SLC7A14: variants seen among roughly 807,000 people sequenced by gnomAD.
SLC7A14 encodes the protein solute carrier family 7 member 14, also known as gamma-aminobutyric acid transporter SLC7A14.
SLC7A14 carries 37 observed loss-of-function variants against 60.2 expected under a neutral mutation model. The ratio of observed to expected loss-of-function variants is 0.61; its 90% CI spans 0.47 to 0.81. SLC7A14 has a LOEUF of 0.81. Among genes scored for constraint, SLC7A14 ranks in the 30% least tolerant of loss-of-function variants. The probability of loss-of-function intolerance (pLI) is 0.00; values close to 1 mark genes in which losing one functional copy is unlikely to be tolerated. For synonymous variants in SLC7A14, 399 were observed against 395.8 expected, an observed-to-expected ratio of 1.01 and a Z score of -0.10; for missense variants, 886 against 982.7, an observed-to-expected ratio of 0.90 and a Z score of 1.32.
At chr3:170,510,369 G>A (rs1487172866) in intron 2 of SLC7A14, among the ~76,000 whole-genome samples, 1 of 130,390 alleles carries the variant, frequency 7.7e-6, no homozygotes, top group African/African-American at 2.8e-5. Flanking sequence ...CAGCCTCAGT[G>A]ACAGAGCAAG....
intron 4 of SLC7A14, among the ~76,000 whole-genome samples, chr3:170,489,116 A>G (rs919444447): frequency 6.6e-6 from 1 of 152,252 alleles, no homozygotes; most frequent in African/African-American, 2.4e-5. Flanking sequence ...ATGGAATCAC[A>G]TCAAGTTAAA....
chr3:170,583,718 C>T (rs1303815883), intron 1 of SLC7A14, among the ~76,000 whole-genome samples: 3 of 152,228 alleles, frequency 2.0e-5, no homozygotes, highest in Admixed American at 1.3e-4. Context: ...CTTCCTGAAG[C>T]CCTGCTACTC....
intron 7 of SLC7A14, among the ~76,000 whole-genome samples, chr3:170,478,001 G>T (rs998766176): frequency 2.6e-5 from 4 of 152,122 alleles, no homozygotes; most frequent in African/African-American, 9.7e-5. Context: ...ATCTGCATTG[G>T]CTAGCTACAT....
At chr3:170,500,031 A>G (rs1712552216) in intron 3 of SLC7A14, among the ~76,000 whole-genome samples, 1 of 152,172 alleles carries the variant, frequency 6.6e-6, no homozygotes, top group Admixed American at 6.5e-5. Flanking sequence ...ATATAGGAAT[A>G]TCGAAGTTAG....
intron 1 of SLC7A14, among the ~76,000 whole-genome samples, chr3:170,558,251 C>G (rs934128060): frequency 1.3e-5 from 2 of 152,110 alleles, no homozygotes; most frequent in African/African-American, 4.8e-5. Context: ...ACCTGTAATC[C>G]CAGCTGCTCA....
At chr3:170,512,516 T>TTC (rs1384214259) in intron 2 of SLC7A14, among the ~76,000 whole-genome samples, 2 of 152,146 alleles carry the variant, frequency 1.3e-5, no homozygotes, top group Non-Finnish European at 1.5e-5. Flanking sequence ...CAGTGCCTAC[T>TTC]TCTGGTTCTC....
chr3:170,495,311 C>G (rs1418889290), intron 4 of SLC7A14, among the ~76,000 whole-genome samples: 1 of 152,184 alleles, frequency 6.6e-6, no homozygotes, highest in Non-Finnish European at 1.5e-5. Flanking sequence ...ATTTCTTATA[C>G]TGTTAAGAAA....
intron 3 of SLC7A14, 52 bp downstream of exon 3, chr3:170,501,057 A>G (rs1245140402): frequency 8.3e-6 from 13 of 1,574,910 alleles, no homozygotes; most frequent in Non-Finnish European, 1.1e-5. Context: ...GAACTCATTT[A>G]TGTGGCTTGG....
chr3:170,492,123 C>T (rs912849850), intron 4 of SLC7A14, among the ~76,000 whole-genome samples: 3 of 152,142 alleles, frequency 2.0e-5, no homozygotes, highest in African/African-American at 7.2e-5. Flanking sequence ...TTTTCTACGT[C>T]ACTCTATCCA....
chr3:170,543,751 C>CT lies in SLC7A14; in HGVS notation c.-152-16664dup, dbSNP rs1177925466. Reference sequence around the variant, plus strand: ...CTGCATTTTCTTTCTTTCTTTCTTTCTTTTTTTTTTTTTTTTGAGATGGAG... The same window carrying CT: ...CTGCATTTTCTTTCTTTCTTTCTTTCTTTTTTTTTTTTTTTTTGAGATGGAG... On this transcript the variant is annotated intron_variant, in intron 1 of 7. Transcript: ENST00000231706. Among the ~76,000 whole-genome samples the CT allele has an allele frequency of 6.7e-3, 914 of 136,706 alleles. 7 individuals carry two copies. The highest frequency in any genetic ancestry group is 0.01 in the African/African-American group (372 of 36,954). The allele number at this position is 136,706 out of a possible 152,430, so 89.7% of individuals were successfully genotyped here.
intron 1 of SLC7A14, among the ~76,000 whole-genome samples, chr3:170,546,983 A>G (rs1714198694): frequency 6.6e-6 from 1 of 152,168 alleles, no homozygotes; most frequent in Non-Finnish European, 1.5e-5. Context: ...CCATATTTCC[A>G]AGAGATTTAT....
intron 2 of SLC7A14, among the ~76,000 whole-genome samples, chr3:170,517,463 G>T (rs1300905327): frequency 6.6e-6 from 1 of 152,196 alleles, no homozygotes; most frequent in Admixed American, 6.5e-5. Context: ...ACTAATCCTA[G>T]ATCACGGAGG....
chr3:170,542,911 GTCA>G (rs1463809757), intron 1 of SLC7A14, among the ~76,000 whole-genome samples: 3 of 152,288 alleles, frequency 2.0e-5, no homozygotes, highest in Admixed American at 6.5e-5. Flanking sequence ...GACAGTGTGA[GTCA>G]TCATCAAGAA....
intron 1 of SLC7A14, among the ~76,000 whole-genome samples, chr3:170,530,462 C>T (rs1713641637): frequency 6.6e-6 from 1 of 152,152 alleles, no homozygotes; most frequent in Non-Finnish European, 1.5e-5. Flanking sequence ...GTCACCAGAG[C>T]CAGAGCTTGG....
intron 1 of SLC7A14, among the ~76,000 whole-genome samples, chr3:170,567,475 G>T (rs1246982757): frequency 6.6e-6 from 1 of 151,886 alleles, no homozygotes; most frequent in Non-Finnish European, 1.5e-5. Context: ...ACATACGTGT[G>T]CATGTGTCTT....
chr3:170,480,445 A>T lies in SLC7A14; in HGVS notation c.1837T>A (p.Phe613Ile). ...TTCTCTGGCTGCTGCAGGATCACAA[A>T]CACCAGGGTGCTGATCAGCAGCACC... ...LMVLLISTLV[F>I]VILQQPENPK... The change falls in exon 7 of 8, where the codon TTT (phenylalanine) becomes ATT (isoleucine). Residue 613 changes from phenylalanine to isoleucine, a missense_variant. Physicochemically the swap from Phe to Ile is conservative, Grantham distance 21. Coordinates refer to ENST00000231706, the MANE Select transcript of SLC7A14 (RefSeq NM_020949.3). The T allele has an allele frequency of 1.9e-6, 3 of 1,613,618 alleles. No homozygotes were observed. Among genetic ancestry groups the T allele is most frequent in the Non-Finnish European group, 2.5e-6 (3 of 1,179,632 alleles).
chr3:170,486,429 G>C, intron 4 of SLC7A14, 61 bp from the exon 5 acceptor site: 1 of 1,609,406 alleles, frequency 6.2e-7, no homozygotes, highest in Non-Finnish European at 8.5e-7. Flanking sequence ...GGTCTTAAAT[G>C]TGGAAAGTGC....
At chr3:170,559,216 C>A (rs766577746) in intron 1 of SLC7A14, among the ~76,000 whole-genome samples, 1 of 152,138 alleles carries the variant, frequency 6.6e-6, no homozygotes, top group Middle Eastern at 3.4e-3. Flanking sequence ...TTTCAGGGGA[C>A]AAAATATAAA....
At chr3:170,580,204 G>T (rs1025367440) in intron 1 of SLC7A14, among the ~76,000 whole-genome samples, 3 of 152,154 alleles carry the variant, frequency 2.0e-5, no homozygotes, top group Non-Finnish European at 4.4e-5. Flanking sequence ...ACATTTTTGT[G>T]TCAAAATAGG....
Sources: gnomAD v4.1 joint callset for allele counts (sites outside exome capture counted in the v4.1 genomes callset) on GRCh38, gnomAD v4.1.1 for gene constraint, MANE v1.5 for transcripts, NCBI Gene and HGNC (gene_info 2026-07-23, HGNC 2026-07-21) for gene names.